TBC1D9: variants seen among roughly 807,000 people sequenced by gnomAD.
The protein encoded by TBC1D9 is TBC1 domain family member 9, also known as TBC1 domain family member 9A.
A neutral mutation model predicts 132.0 loss-of-function variants in TBC1D9; 63 were observed. That is an observed-to-expected ratio of 0.48 (90% confidence interval 0.39 to 0.59). The LOEUF is 0.59. Ranked by LOEUF, TBC1D9 falls within the 20% of genes least tolerant of loss-of-function variation. The pLI is 0.00. For synonymous variants in TBC1D9, 610 were observed against 609.9 expected (o/e 1.00, Z 0.00); for missense variants, 1,261 against 1,592.7 (o/e 0.79, Z 3.54).
intron 6 of TBC1D9, among the ~76,000 whole-genome samples, chr4:140,672,460 T>C (rs1323261576): frequency 6.6e-6 from 1 of 152,138 alleles, no homozygotes; most frequent in Non-Finnish European, 1.5e-5. Flanking sequence ...TTTTCTCACA[T>C]AAAATTTTTA....
chr4:140,727,238 C>A (rs1333285142), intron 1 of TBC1D9, among the ~76,000 whole-genome samples: 1 of 152,154 alleles, frequency 6.6e-6, no homozygotes, highest in East Asian at 1.9e-4. Context: ...GCAGTGATTG[C>A]CCCTATTCAC....
intron 1 of TBC1D9, among the ~76,000 whole-genome samples, chr4:140,719,699 G>A (rs752099482): frequency 1.3e-5 from 2 of 152,198 alleles, no homozygotes; most frequent in African/African-American, 2.4e-5. Flanking sequence ...ATCTGGCTGC[G>A]AAGAAAGAAG....
intron 1 of TBC1D9, among the ~76,000 whole-genome samples, chr4:140,708,134 T>C (rs1229438823): frequency 1.3e-5 from 2 of 152,170 alleles, no homozygotes; most frequent in African/African-American, 4.8e-5. Context: ...TTGATGAACA[T>C]TGGGAGAAAC....
chr4:140,642,031 C>A, intron 13 of TBC1D9: 3 of 659,958 alleles, frequency 4.5e-6, no homozygotes, highest in Non-Finnish European at 8.3e-6. Context: ...CAAACAAAAC[C>A]ACTGCTTCCT....
At chr4:140,737,334 G>T (rs1268770803) in intron 1 of TBC1D9, among the ~76,000 whole-genome samples, 4 of 151,856 alleles carry the variant, frequency 2.6e-5, no homozygotes, top group Non-Finnish European at 5.9e-5. Context: ...ATTAAGGAAA[G>T]ACCCTCCATT....
In TBC1D9 at chr4:140,622,399, C is replaced by A; in HGVS notation, c.3597G>T (p.Leu1199=). 6.2e-7 allele frequency: 1 copy of A among 1,612,888 alleles called. No individual in the cohort carries two copies. Among genetic ancestry groups the A allele is most frequent in the Non-Finnish European group, 8.5e-7 (1 of 1,179,072 alleles). Residue 1199 remains leucine (L), a synonymous_variant, in exon 21 of 21, where the codon CTG becomes CTT. Coordinates refer to ENST00000442267, the MANE Select transcript of TBC1D9 (RefSeq NM_015130.3). ...LVRSGQGTAA[L]PRSTSLDRDW... is the part of the protein sequence containing the mutation. ...CCCGGTCCAGGCTGGTGCTCCGGGG[C>A]AGTGCCGCCGTGCCCTGGCCGCTCC...
At chr4:140,623,764 T>C (rs1578811093) in intron 20 of TBC1D9, among the ~76,000 whole-genome samples, 2 of 152,302 alleles carry the variant, frequency 1.3e-5, no homozygotes, top group East Asian at 3.9e-4. Context: ...TTTCACCAGG[T>C]TTTTAAGGAA....
In TBC1D9 at chr4:140,676,831, C is replaced by T. The variant is rs878913856; in HGVS notation, c.1059+63G>A. 52 of 1,573,486 alleles carry T rather than the reference C, an allele frequency of 3.3e-5. No homozygotes were observed. In the South Asian group the frequency reaches 5.8e-4, roughly 18 times the overall value. On this transcript the variant is annotated intron_variant, in intron 6 of 20. Transcript: ENST00000442267. The stretch of plus-strand genomic sequence containing the variant: ...CCAATTGTTGGTAAAAAAATTATTC[C>T]TGGTTCACCCAGAAAAGTATTACAA...
intron 1 of TBC1D9, among the ~76,000 whole-genome samples, chr4:140,718,247 G>GAAAA (rs11420074): frequency 8.1e-6 from 1 of 123,162 alleles, no homozygotes; most frequent in Non-Finnish European, 1.8e-5. Context: ...CCTTTTTTCA[G>GAAAA]AAAAAAAAAA....
intron 14 of TBC1D9, 33 bp downstream of exon 14, chr4:140,639,297 C>T (rs780645763): frequency 6.5e-7 from 1 of 1,549,306 alleles, no homozygotes; most frequent in South Asian, 1.2e-5. Context: ...AGGAAGATGA[C>T]AGAGGTTGCC....
chr4:140,724,962 C>T (rs991666080), intron 1 of TBC1D9, among the ~76,000 whole-genome samples: 1 of 152,112 alleles, frequency 6.6e-6, no homozygotes, highest in African/African-American at 2.4e-5. Context: ...GGTTTGTGAG[C>T]GTGCAACTTG....
chr4:140,748,738 C>A (rs565694497), intron 1 of TBC1D9, among the ~76,000 whole-genome samples: 6 of 152,080 alleles, frequency 3.9e-5, no homozygotes, highest in Non-Finnish European at 8.8e-5. Flanking sequence ...ATAATAAAGA[C>A]ATTTGGAGAC....
chr4:140,730,360 T>C (rs768625639), intron 1 of TBC1D9, among the ~76,000 whole-genome samples: 1 of 152,204 alleles, frequency 6.6e-6, no homozygotes, highest in Non-Finnish European at 1.5e-5. Flanking sequence ...ATATCAGATG[T>C]TGTCTAAGAC....
intron 13 of TBC1D9, among the ~76,000 whole-genome samples, chr4:140,648,226 A>G (rs1185741640): frequency 3.3e-5 from 5 of 152,142 alleles, no homozygotes; most frequent in African/African-American, 9.7e-5. Context: ...AAACACAATT[A>G]TCCATCTTTG....
At chr4:140,662,468 ACT>A (rs773658815) in intron 9 of TBC1D9, among the ~76,000 whole-genome samples, 3 of 151,658 alleles carry the variant, frequency 2.0e-5, no homozygotes, top group Admixed American at 1.3e-4. Flanking sequence ...CCTTCTCATC[ACT>A]CTCTTCAACC....
intron 1 of TBC1D9, among the ~76,000 whole-genome samples, chr4:140,741,696 C>A (rs935966244): frequency 6.6e-6 from 1 of 152,128 alleles, no homozygotes; most frequent in Non-Finnish European, 1.5e-5. Context: ...CTAGCCTAGG[C>A]GGCAGAGCCA....
chr4:140,750,964 A>G (rs1447487116), intron 1 of TBC1D9, among the ~76,000 whole-genome samples: 1 of 151,694 alleles, frequency 6.6e-6, no homozygotes, highest in Non-Finnish European at 1.5e-5. Context: ...TAAATTGAGG[A>G]TATTTTAAGT....
At chr4:140,646,880 AT>A (rs1737110950) in intron 13 of TBC1D9, among the ~76,000 whole-genome samples, 1 of 152,230 alleles carries the variant, frequency 6.6e-6, no homozygotes, top group Admixed American at 6.5e-5. Flanking sequence ...AAGATGCAAT[AT>A]TTATTTGCAC....
chr4:140,728,483 G>GT (rs1230789702), intron 1 of TBC1D9, among the ~76,000 whole-genome samples: 7 of 150,464 alleles, frequency 4.7e-5, no homozygotes, highest in Admixed American at 1.3e-4. Flanking sequence ...AAATCTACTT[G>GT]TTTTTTTTGT....
Sources: allele counts gnomAD v4.1 joint callset (sites outside exome capture counted in the v4.1 genomes callset), GRCh38; gene constraint gnomAD v4.1.1; transcripts MANE v1.5; gene names NCBI Gene and HGNC (gene_info 2026-07-23, HGNC 2026-07-21).